PDE10A: variants seen among roughly 807,000 people sequenced by gnomAD.
PDE10A encodes the protein cAMP and cAMP-inhibited cGMP 3',5'-cyclic phosphodiesterase 10A.
A neutral mutation model predicts 97.7 loss-of-function variants in PDE10A; 39 were observed. The observed-to-expected ratio is 0.40, with a 90% CI of 0.31 to 0.52. The LOEUF (loss-of-function observed/expected upper bound fraction) is 0.52, where lower values mean the gene tolerates loss of function less well. Ranked by LOEUF, PDE10A falls within the 20% of genes least tolerant of loss-of-function variation. The probability of loss-of-function intolerance (pLI) is 0.56; values close to 1 mark genes in which losing one functional copy is unlikely to be tolerated. For missense variants in PDE10A, 731 were observed against 1,047.8 expected (o/e 0.70, Z 4.17); for synonymous variants, 371 against 376.8 (o/e 0.98, Z 0.18).
chr6:165,855,190 C>T (rs943226774), intron 1 of PDE10A, among the ~76,000 whole-genome samples: 12 of 151,824 alleles, frequency 7.9e-5, no homozygotes, highest in African/African-American at 1.5e-4. Flanking sequence ...CCCAGGGCAG[C>T]CAGGTTCACC....
intron 1 of PDE10A, among the ~76,000 whole-genome samples, chr6:165,583,893 C>T (rs959575730): frequency 1.4e-4 from 22 of 152,184 alleles, no homozygotes; most frequent in African/African-American, 5.3e-4. Context: ...CCTGTTCCCA[C>T]AACCTTATGC....
intron 1 of PDE10A, among the ~76,000 whole-genome samples, chr6:165,935,553 C>G (rs1236535814): frequency 6.6e-6 from 1 of 152,064 alleles, no homozygotes; most frequent in Non-Finnish European, 1.5e-5. Flanking sequence ...TGATTCTGGA[C>G]TAAAATTAAG....
intron 1 of PDE10A, chr6:165,773,142 T>A (rs1044683489): frequency 6.6e-6 from 1 of 152,236 alleles, no homozygotes; most frequent in Non-Finnish European, 1.5e-5. Context: ...AATACGCACA[T>A]CCGTATCTGG....
intron 1 of PDE10A, among the ~76,000 whole-genome samples, chr6:165,804,268 C>CT: frequency 6.6e-6 from 1 of 152,204 alleles, no homozygotes; most frequent in African/African-American, 2.4e-5. Context: ...AATGACTCAT[C>CT]TTATATTCAA....
intron 1 of PDE10A, among the ~76,000 whole-genome samples, chr6:165,840,647 G>A (rs1044312431): frequency 4.6e-5 from 7 of 152,172 alleles, no homozygotes; most frequent in East Asian, 1.9e-4. Context: ...CACACTTGCC[G>A]TTCTAGCATA....
chr6:165,646,174 C>T (rs1361786587), intron 1 of PDE10A, among the ~76,000 whole-genome samples: 3 of 152,156 alleles, frequency 2.0e-5, no homozygotes, highest in East Asian at 1.9e-4. Flanking sequence ...AGTGCAAGGA[C>T]GTTCATTTAT....
intron 1 of PDE10A, among the ~76,000 whole-genome samples, chr6:165,771,180 A>T (rs1031272332): frequency 1.1e-4 from 16 of 152,348 alleles, no homozygotes; most frequent in African/African-American, 3.1e-4. Context: ...TCATAAAGAG[A>T]TGCAGAGAGC....
intron 1 of PDE10A, among the ~76,000 whole-genome samples, chr6:165,720,994 A>T (rs1792155076): frequency 1.3e-5 from 2 of 152,226 alleles, no homozygotes; most frequent in Admixed American, 1.3e-4. Context: ...TTGAGGACGT[A>T]TGGAAAGTTA....
intron 1 of PDE10A, among the ~76,000 whole-genome samples, chr6:165,953,524 G>T (rs1388179990): frequency 6.6e-6 from 1 of 152,074 alleles, no homozygotes; most frequent in Non-Finnish European, 1.5e-5. Flanking sequence ...CCAGGAAGCG[G>T]AGGTTGCACC....
At chr6:165,754,233 C>T (rs1793067849) in intron 1 of PDE10A, 1 of 152,186 alleles carries the variant, frequency 6.6e-6, no homozygotes, top group Admixed American at 6.5e-5. Flanking sequence ...GGCACTGGGG[C>T]TTGCTCCCAT....
At chr6:165,966,346 T>C (rs1784510682) in intron 1 of PDE10A, among the ~76,000 whole-genome samples, 1 of 152,222 alleles carries the variant, frequency 6.6e-6, no homozygotes, top group Non-Finnish European at 1.5e-5. Flanking sequence ...TCCAGCCCAG[T>C]GTGAATTCAC....
chr6:165,834,162 C>G (rs1412846948), intron 1 of PDE10A, among the ~76,000 whole-genome samples: 1 of 152,164 alleles, frequency 6.6e-6, no homozygotes, highest in Non-Finnish European at 1.5e-5. Flanking sequence ...CCCCAGTTAC[C>G]CAGGCAGAAC....
intron 1 of PDE10A, among the ~76,000 whole-genome samples, chr6:165,758,510 AAAGAAG>A (rs200476731): frequency 2.2e-4 from 9 of 41,570 alleles, no homozygotes; most frequent in Non-Finnish European, 3.2e-4. Flanking sequence ...AAGAAAGAAG[AAAGAAG>A]AAGAAGAAGA....
At chr6:165,916,232 A>T (rs1782600708) in intron 1 of PDE10A, among the ~76,000 whole-genome samples, 1 of 152,240 alleles carries the variant, frequency 6.6e-6, no homozygotes, top group African/African-American at 2.4e-5. Context: ...GTTTCTGCAA[A>T]ACCTGCCAGT....
intron 1 of PDE10A, among the ~76,000 whole-genome samples, chr6:165,867,998 T>C (rs928048376): frequency 6.6e-6 from 1 of 151,934 alleles, no homozygotes; most frequent in Non-Finnish European, 1.5e-5. Flanking sequence ...AACAGAATAT[T>C]TCAAAACCTA....
chr6:165,860,188 T>C (rs1300838867), intron 1 of PDE10A, among the ~76,000 whole-genome samples: 1 of 152,146 alleles, frequency 6.6e-6, no homozygotes. Flanking sequence ...GCGCAGTGGC[T>C]CACGCCTGTA....
chr6:165,538,881 C>T (rs1254613060), intron 2 of PDE10A, among the ~76,000 whole-genome samples: 1 of 152,022 alleles, frequency 6.6e-6, no homozygotes, highest in African/African-American at 2.4e-5. Flanking sequence ...TAATCTGAGT[C>T]TTGAAGGGTA....
At chr6:165,902,077 T>C (rs1403872203) in intron 1 of PDE10A, among the ~76,000 whole-genome samples, 3 of 80,392 alleles carry the variant, frequency 3.7e-5, no homozygotes, top group African/African-American at 1.6e-4. Flanking sequence ...TATTTCCAAA[T>C]TGAATAAAAA....
chr6:165,458,892 TC>T (rs1778125319), intron 3 of PDE10A, among the ~76,000 whole-genome samples: 1 of 152,124 alleles, frequency 6.6e-6, no homozygotes, highest in Non-Finnish European at 1.5e-5. Flanking sequence ...TCACCTGTTG[TC>T]CCAAAAATGT....
Sources: gnomAD v4.1 joint callset for allele counts (sites outside exome capture counted in the v4.1 genomes callset) on GRCh38, gnomAD v4.1.1 for gene constraint, MANE v1.5 for transcripts, NCBI Gene and HGNC (gene_info 2026-07-23, HGNC 2026-07-21) for gene names.